The following DHX8 variants were observed in gnomAD, a reference collection of about 807,000 sequenced individuals.
DHX8 encodes ATP-dependent RNA helicase DHX8.
DHX8 carries 67 observed loss-of-function variants against 140.7 expected under a neutral mutation model. The observed-to-expected ratio is 0.48, with a 90% CI of 0.39 to 0.58. The LOEUF (loss-of-function observed/expected upper bound fraction) is 0.58, where lower values mean the gene tolerates loss of function less well. Ranked by LOEUF, DHX8 falls within the 20% of genes least tolerant of loss-of-function variation. The pLI, the probability that DHX8 is intolerant of heterozygous loss-of-function variation, is 0.00. For missense variants in DHX8, 887 were observed against 1,550.7 expected (o/e 0.57, Z 7.19); for synonymous variants, 533 against 553.2 (o/e 0.96, Z 0.51).
At chr17:43,526,140 G>A (rs977006903), downstream of DHX8, 9 of 985,188 alleles carry the variant, frequency 9.1e-6, no homozygotes, top group East Asian at 5.7e-4. Context: ...AGAAGGGGGG[G>A]GTCCTGTCCA....
chr17:43,522,106 G>T lies in DHX8; in HGVS notation c.3323G>T (p.Cys1108Phe). The T allele has an allele frequency of 6.2e-7, 1 of 1,614,160 alleles. No individual in the cohort carries two copies. The highest frequency in any genetic ancestry group is 8.5e-7 in the Non-Finnish European group (1 of 1,180,028). Reference sequence around the variant, plus strand: ...ACAGTCCGAGTGCAGAAGGCCATCTGCAGTGGGTTCTTCCGTAATGCTGCC... The same window carrying T: ...ACAGTCCGAGTGCAGAAGGCCATCTTCAGTGGGTTCTTCCGTAATGCTGCC... ...KSTVRVQKAI[C>F]SGFFRNAAKK... The change falls in exon 22 of 23, where the codon TGC (cysteine) becomes TTC (phenylalanine). Residue 1108 changes from cysteine to phenylalanine, a missense_variant. Cys to Phe is a radical substitution (Grantham distance 205). Coordinates refer to ENST00000262415, the MANE Select transcript of DHX8 (RefSeq NM_004941.3).
intron 4 of DHX8, 31 bp downstream of exon 4, chr17:43,491,281 T>C: frequency 3.3e-6 from 4 of 1,197,688 alleles, no homozygotes; most frequent in Non-Finnish European, 4.6e-6. Context: ...GTGTCTACTA[T>C]AAATATATAT....
At chr17:43,530,420 CG>C (rs1970852963), downstream of DHX8, 5 of 1,404,038 alleles carry the variant, frequency 3.6e-6, no homozygotes, top group East Asian at 1.1e-4. Context: ...AAGGCAGCAG[CG>C]GGGGCTGGGC....
chr17:43,496,774 T>C (rs1195487515), intron 9 of DHX8, among the ~76,000 whole-genome samples: 1 of 141,732 alleles, frequency 7.1e-6, no homozygotes, highest in Non-Finnish European at 1.6e-5. Context: ...AGTGAGACTC[T>C]ATCAAAAAAA....
At chr17:43,494,727 A>G (rs1382421751) in intron 8 of DHX8, among the ~76,000 whole-genome samples, 4 of 151,442 alleles carry the variant, frequency 2.6e-5, no homozygotes, top group African/African-American at 9.7e-5. Flanking sequence ...TCTCAAAAAA[A>G]AAAAAAAAAA....
chr17:43,507,256 T>A (rs1969546231), intron 13 of DHX8, 59 bp downstream of exon 13: 1 of 1,518,194 alleles, frequency 6.6e-7, no homozygotes, highest in Non-Finnish European at 8.9e-7. Context: ...GGTCTCTTAA[T>A]CTATCAAATG....
intron 18 of DHX8, chr17:43,518,301 C>T (rs1041346783): frequency 6.6e-6 from 1 of 152,240 alleles, no homozygotes; most frequent in Non-Finnish European, 1.5e-5. Context: ...GGTCCTACCA[C>T]ATCACACTTT....
Position 43,524,012 on chromosome 17 carries a change from G to A in DHX8, c.*165G>A. 1 of 1,438,062 alleles carries A rather than the reference G, an allele frequency of 7.0e-7. No homozygotes were observed. Among genetic ancestry groups the A allele is most frequent in the East Asian group, 2.5e-5 (1 of 39,914 alleles). 89.1% of individuals were successfully genotyped at this position (1,438,062 alleles called of 1,614,324 possible). A position where few individuals can be genotyped will look rare whatever the true frequency, so the allele number is the denominator to read the frequency against. On this transcript the variant is annotated 3_prime_UTR_variant, in exon 23 of 23. Coordinates refer to ENST00000262415, the MANE Select transcript of DHX8 (RefSeq NM_004941.3). The stretch of plus-strand genomic sequence containing the variant: ...TCCCTGCTGGTAAAATAGAAACAGG[G>A]ATTTAAACCTGGCTTTGGCAAGAGC...
At chr17:43,521,706 TCTTTGTTATATTC>T (rs1970383728) in intron 21 of DHX8, 141 bp downstream of exon 21, 1 of 815,480 alleles carries the variant, frequency 1.2e-6, no homozygotes. Flanking sequence ...AGCTTTTCCA[TCTTTGTTATATTC>T]CTTCTCCCCA....
Position 43,507,078 on chromosome 17 carries a change from C to T in DHX8, c.1804C>T (p.Leu602=), listed in dbSNP as rs575178963. 2 of 1,614,066 alleles carry T rather than the reference C, an allele frequency of 1.2e-6. No homozygotes were observed. The highest frequency in any genetic ancestry group is 1.7e-6 in the Non-Finnish European group (2 of 1,180,010). Residue 602 remains leucine (L), a synonymous_variant, in exon 13 of 23, where the codon CTG becomes TTG. Coordinates refer to ENST00000262415, the MANE Select transcript of DHX8 (RefSeq NM_004941.3). ...SGKTTQITQY[L]AEAGYTSRGK... is the part of the protein sequence containing the mutation. ...AAAGACAACACAGATCACCCAGTACCTGGCGGAGGCAGGCTACACTTCCAG... is the reference window on the plus strand; with the variant it reads ...AAAGACAACACAGATCACCCAGTACTTGGCGGAGGCAGGCTACACTTCCAG...
chr17:43,496,737 G>T (rs1006590893), intron 9 of DHX8, among the ~76,000 whole-genome samples: 4 of 151,552 alleles, frequency 2.6e-5, no homozygotes, highest in Non-Finnish European at 5.9e-5. Context: ...CCGAGATCGC[G>T]CCACTGTACT....
chr17:43,522,574 C>T (rs1970426405), intron 22 of DHX8, among the ~76,000 whole-genome samples: 1 of 151,346 alleles, frequency 6.6e-6, no homozygotes, highest in Non-Finnish European at 1.5e-5. Flanking sequence ...CATGGAGAAA[C>T]CCTGTCTCTA....
At chr17:43,499,852 C>G in intron 10 of DHX8, 104 bp from the exon 11 acceptor site, 2 of 1,293,682 alleles carry the variant, frequency 1.5e-6, no homozygotes, top group Non-Finnish European at 1.1e-6. Context: ...TTGATAAGAA[C>G]TTTATTCCAG....
chr17:43,511,475 T>TTTTTTTTTTTTTTTTTTA (rs1969830286), intron 16 of DHX8, among the ~76,000 whole-genome samples: 4 of 140,722 alleles, frequency 2.8e-5, no homozygotes, highest in Admixed American at 7.3e-5. Context: ...TTTTTTTTTT[T>TTTTTTTTTTTTTTTTTTA]GAGACAGAGT....
intron 9 of DHX8, among the ~76,000 whole-genome samples, chr17:43,498,601 C>G (rs2154586508): frequency 6.6e-6 from 1 of 152,080 alleles, no homozygotes; most frequent in South Asian, 2.1e-4. Context: ...AGGTGCCCAC[C>G]ACCAAGCCTG....
At chr17:43,493,422 A>G (rs1376831056) in intron 6 of DHX8, 23 bp from the exon 7 acceptor site, 3 of 1,613,002 alleles carry the variant, frequency 1.9e-6, no homozygotes, top group Non-Finnish European at 2.5e-6. Context: ...GGCATGTTCC[A>G]GATGTGTCTG....
Position 43,537,761 on chromosome 17 carries a change from G to A in DHX8, c.*20+1263G>A, listed in dbSNP as rs192705917. On this transcript the variant is annotated intron_variant, in intron 3 of 3. Transcript: ENST00000589898. ...TGTAATCCCAGCACTTTGGGAGGCC[G>A]TGGTGGGCGGATCACGAGGTCAGGA... Among the ~76,000 whole-genome samples the A allele has an allele frequency of 5.9e-4, 90 of 152,228 alleles. No homozygotes were observed. In the East Asian group the frequency reaches 0.014, roughly 23 times the overall value.
chr17:43,541,447 G>A (rs1396531430), intron 3 of DHX8, among the ~76,000 whole-genome samples: 2 of 152,044 alleles, frequency 1.3e-5, no homozygotes, highest in Non-Finnish European at 2.9e-5. Flanking sequence ...CGAGGCAGAT[G>A]ATTAAGGAGG....
In DHX8 at chr17:43,484,065, G is replaced by T. The variant is rs752894787; in HGVS notation, c.28G>T (p.Ala10Ser). Residue 10 changes from alanine (A) to serine (S), a missense_variant, in exon 1 of 23, where the codon GCC becomes TCC. Physicochemically the swap from Ala to Ser is moderately conservative, Grantham distance 99 (BLOSUM62 1). This residue lies in a region of DHX8 where 32 missense variants were observed against 25.1 expected (regional missense o/e 1.28). Transcript: ENST00000262415. ...GGCTGTGGCTGTAGCCATGGCGGGA[G>T]CCTTAATCGGGTCGGAGCCAGGCCC... MAVAVAMAG[A>S]LIGSEPGPAE... 12 of 1,614,080 alleles carry T rather than the reference G, an allele frequency of 7.4e-6. No individual in the cohort carries two copies. The highest frequency in any genetic ancestry group is 3.3e-4 in the Middle Eastern group (2 of 6,084).
Sources: allele counts gnomAD v4.1 joint callset (sites outside exome capture counted in the v4.1 genomes callset), GRCh38; gene constraint gnomAD v4.1.1; regional missense constraint gnomAD v4.1.1; transcripts MANE v1.5; gene names NCBI Gene and HGNC (gene_info 2026-07-23, HGNC 2026-07-21).